The following PDCD5 variants were observed in gnomAD, a reference collection of about 807,000 sequenced individuals.
The protein encoded by PDCD5 is programmed cell death 5, also known as programmed cell death protein 5.
Under a neutral mutation model 21.9 loss-of-function variants are expected in PDCD5, and 23 were observed. The observed-to-expected ratio is 1.05, with a 90% confidence interval of 0.76 to 1.49. The LOEUF (loss-of-function observed/expected upper bound fraction) is 1.49. Ranked by LOEUF, PDCD5 falls within the 40% of genes most tolerant of loss-of-function variation. The pLI is 0.00. For missense variants in PDCD5, 152 were observed against 147.7 expected, an observed-to-expected ratio of 1.03 and a Z score of -0.15; for synonymous variants, 45 against 49.4, an observed-to-expected ratio of 0.91 and a Z score of 0.37.
In PDCD5 at chr19:32,581,241, C is replaced by T. The variant is rs951947467; in HGVS notation, c.-21C>T. 4.0e-6 allele frequency: 6 copies of T among 1,491,672 alleles called. No individual in the cohort carries two copies. The highest frequency in any genetic ancestry group is 5.3e-6 in the Non-Finnish European group (6 of 1,121,982). 92.4% of individuals were successfully genotyped at this position (1,491,672 alleles called of 1,614,324 possible). A position where few individuals can be genotyped will look rare whatever the true frequency, so the allele number is the denominator to read the frequency against. The stretch of plus-strand genomic sequence containing the variant: ...GGGGCTGCGAGAGTGACCGCGGCTG[C>T]TCCAGCGCTGACGCCGAGCCATGGC... On this transcript the variant is annotated 5_prime_UTR_variant, in exon 1 of 6. Transcript: ENST00000590247.
intron 4 of PDCD5, chr19:32,586,225 A>G: frequency 6.9e-7 from 1 of 1,439,752 alleles, no homozygotes; most frequent in South Asian, 1.5e-5. Context: ...CTACCAGTGT[A>G]AGTAGAAGGT....
At chr19:32,586,517 T>C (rs1971478141) in intron 4 of PDCD5, 1 of 1,107,638 alleles carries the variant, frequency 9.0e-7, no homozygotes, top group Non-Finnish European at 1.1e-6. Context: ...CGGGCAGAAG[T>C]GGTGTGTCTA....
chr19:32,584,534 C>T (rs912736333), intron 2 of PDCD5, among the ~76,000 whole-genome samples: 2 of 152,184 alleles, frequency 1.3e-5, no homozygotes, highest in African/African-American at 2.4e-5. Context: ...ACCTATGTCT[C>T]TTTAGCATAG....
intron 2 of PDCD5, among the ~76,000 whole-genome samples, chr19:32,584,200 A>G (rs1156367653): frequency 6.6e-6 from 1 of 152,178 alleles, no homozygotes; most frequent in African/African-American, 2.4e-5. Flanking sequence ...GCCTATGGAA[A>G]TGAGCTTTAA....
In PDCD5 at chr19:32,581,993, T is replaced by C. The variant is rs184752590; in HGVS notation, c.67-202T>C. On this transcript the variant is annotated intron_variant, in intron 1 of 5. Coordinates refer to ENST00000590247, the MANE Select transcript of PDCD5 (RefSeq NM_004708.4). Reference sequence around the variant, plus strand: ...CAGGGTGCTCTGTATTCCAAAGCCTTCTGAGGTTGTGGTTTTAGACGTTCA... The same window carrying C: ...CAGGGTGCTCTGTATTCCAAAGCCTCCTGAGGTTGTGGTTTTAGACGTTCA... Among the ~76,000 whole-genome samples the C allele has an allele frequency of 2.0e-5, 3 of 152,304 alleles. No homozygotes were observed. In the East Asian group the frequency reaches 5.8e-4, roughly 29 times the overall value.
At chr19:32,583,734 G>A (rs1599722125) in intron 2 of PDCD5, among the ~76,000 whole-genome samples, 2 of 152,056 alleles carry the variant, frequency 1.3e-5, no homozygotes, top group South Asian at 4.1e-4. Flanking sequence ...GGCCGAGGGG[G>A]AAGAATCACT....
chr19:32,582,379 A>G (rs529487135), intron 2 of PDCD5, 147 bp downstream of exon 2: 8 of 680,646 alleles, frequency 1.2e-5, no homozygotes, highest in African/African-American at 3.6e-5. Context: ...GGGTATCTTC[A>G]TTATTGTTAA....
At chr19:32,581,456 C>A in intron 1 of PDCD5, 129 bp downstream of exon 1, 1 of 498,790 alleles carries the variant, frequency 2.0e-6, no homozygotes, top group Non-Finnish European at 3.2e-6. Flanking sequence ...GCTGCCCTGG[C>A]GGCCTCGTGG....
intron 4 of PDCD5, chr19:32,586,487 A>G (rs1971477703): frequency 9.1e-7 from 1 of 1,100,960 alleles, no homozygotes; most frequent in African/African-American, 1.6e-5. Context: ...TACCTCCTTC[A>G]AGGGGATGTT....
chr19:32,581,367 G>A (rs1385010012), intron 1 of PDCD5, 40 bp downstream of exon 1: 1 of 1,405,706 alleles, frequency 7.1e-7, no homozygotes, highest in Non-Finnish European at 9.4e-7. Flanking sequence ...CCCTCGCGGG[G>A]CGCCGCCCTC....
At chr19:32,584,781 G>T (rs1317880392) in intron 2 of PDCD5, 169 bp from the exon 3 acceptor site, 1 of 626,758 alleles carries the variant, frequency 1.6e-6, no homozygotes, top group South Asian at 1.9e-5. Flanking sequence ...GGCAAAAGGG[G>T]ATTCTACTTG....
intron 3 of PDCD5, 142 bp from the exon 4 acceptor site, chr19:32,585,674 A>G: frequency 1.6e-6 from 1 of 615,334 alleles, no homozygotes; most frequent in Non-Finnish European, 2.9e-6. Flanking sequence ...CTCATTTTTA[A>G]GAGGAGTAAC....
chr19:32,585,739 C>A (rs944502307), intron 3 of PDCD5, 77 bp from the exon 4 acceptor site: 5 of 825,996 alleles, frequency 6.1e-6, no homozygotes, highest in African/African-American at 3.4e-5. Flanking sequence ...TTGGAAAGGT[C>A]AATGCATAGT....
rs1323897190 is a variant in PDCD5 at position 32,585,624 on chromosome 19, T to C, written c.167-192T>C. Among the ~76,000 whole-genome samples the C allele has an allele frequency of 2.0e-5, 3 of 152,170 alleles. No individual in the cohort carries two copies. In the East Asian group the frequency reaches 5.8e-4, roughly 29 times the overall value. On this transcript the variant is annotated intron_variant, in intron 3 of 5. Coordinates refer to ENST00000590247, the MANE Select transcript of PDCD5 (RefSeq NM_004708.4). Reference sequence around the variant, plus strand: ...AATCTTGGCTGGGCCACTACCCCCATGTGCCCATGTGGAGATTGGCATGGG... The same window carrying C: ...AATCTTGGCTGGGCCACTACCCCCACGTGCCCATGTGGAGATTGGCATGGG...
chr19:32,587,374 G>A lies in PDCD5; in HGVS notation c.*74G>A. ...AAGTTAAGATCTGATTATTTACTTTGTTTATTGTCTATATGCCTTTTAAAA... is the reference window on the plus strand; with the variant it reads ...AAGTTAAGATCTGATTATTTACTTTATTTATTGTCTATATGCCTTTTAAAA... On this transcript the variant is annotated 3_prime_UTR_variant, in exon 6 of 6. Coordinates refer to ENST00000590247, the MANE Select transcript of PDCD5 (RefSeq NM_004708.4). 9.6e-7 allele frequency: 1 copy of A among 1,044,368 alleles called. No individual in the cohort carries two copies. The highest frequency in any genetic ancestry group is 2.1e-5 in the Admixed American group (1 of 47,836). The allele number at this position is 1,044,368 out of a possible 1,614,324, so 64.7% of individuals were successfully genotyped here. A position where few individuals can be genotyped will look rare whatever the true frequency, so the allele number is the denominator to read the frequency against.
chr19:32,581,969 A>G (rs1235820086), intron 1 of PDCD5, among the ~76,000 whole-genome samples: 1 of 152,196 alleles, frequency 6.6e-6, no homozygotes, highest in African/African-American at 2.4e-5. Flanking sequence ...TCCCCTCCCC[A>G]GGGTGCTCTG....
rs768589248 is a variant in PDCD5 at position 32,585,855 on chromosome 19, C to T, written c.206C>T (p.Ala69Val). The stretch of plus-strand genomic sequence containing the variant: ...CTTGTAAAGCCTGAAAAAACTAAAG[C>T]AGTAGAGAATTACCTTATACAGATG... Reference protein sequence around the residue: ...LALVKPEKTKAVENYLIQMAR... With the variant: ...LALVKPEKTKVVENYLIQMAR... The change falls in exon 4 of 6, where the codon GCA becomes GTA. Residue 69 changes from alanine (A) to valine (V), a missense_variant. By Grantham distance (64) the Ala-to-Val change is moderately conservative. Transcript: ENST00000590247. 3.1e-6 allele frequency: 5 copies of T among 1,609,794 alleles called. No individual in the cohort carries two copies. The East Asian group carries it at 6.7e-5, about 22-fold the overall frequency.
intron 3 of PDCD5, among the ~76,000 whole-genome samples, chr19:32,585,320 G>A (rs1971465727): frequency 3.3e-5 from 5 of 152,124 alleles, no homozygotes; most frequent in Admixed American, 3.3e-4. Flanking sequence ...ATGGGGACTG[G>A]GGATGGGGGA....
At chr19:32,584,823 C>T (rs992270812) in intron 2 of PDCD5, 127 bp from the exon 3 acceptor site, 40 of 755,588 alleles carry the variant, frequency 5.3e-5, no homozygotes, top group Non-Finnish European at 9.1e-5. Flanking sequence ...ACAGCAACTA[C>T]CATAATGCAG....
Sources: allele counts gnomAD v4.1 joint callset (sites outside exome capture counted in the v4.1 genomes callset), GRCh38; gene constraint gnomAD v4.1.1; transcripts MANE v1.5; gene names NCBI Gene and HGNC (gene_info 2026-07-23, HGNC 2026-07-21).